MAN1A1: variants seen among roughly 807,000 people sequenced by gnomAD.
The protein encoded by MAN1A1 is mannosidase alpha class 1A member 1, also known as mannosyl-oligosaccharide 1,2-alpha-mannosidase IA.
In MAN1A1, 29 loss-of-function variants were observed where a neutral mutation model predicts 70.8. The observed-to-expected ratio is 0.41, with a 90% confidence interval of 0.31 to 0.56. The LOEUF is 0.56. Ranked by LOEUF, MAN1A1 falls within the 20% of genes least tolerant of loss-of-function variation. MAN1A1 has a pLI of 0.29. For missense variants in MAN1A1, 747 were observed against 841.3 expected (o/e 0.89, Z 1.39); for synonymous variants, 349 against 330.1 (o/e 1.06, Z -0.62).
chr6:119,283,272 A>G (rs1377884731), intron 5 of MAN1A1, among the ~76,000 whole-genome samples: 1 of 152,222 alleles, frequency 6.6e-6, no homozygotes, highest in Non-Finnish European at 1.5e-5. Flanking sequence ...TTTTACTTTA[A>G]AAGTCACTGG....
intron 6 of MAN1A1, among the ~76,000 whole-genome samples, chr6:119,243,050 A>G (rs559576862): frequency 6.6e-6 from 1 of 152,186 alleles, no homozygotes; most frequent in Admixed American, 6.5e-5. Context: ...TTTTTAAAAA[A>G]CTTTTCTACA....
At chr6:119,277,954 AAAAAG>A (rs1186379571) in intron 5 of MAN1A1, among the ~76,000 whole-genome samples, 11 of 133,328 alleles carry the variant, frequency 8.3e-5, no homozygotes, top group Non-Finnish European at 1.8e-4. Flanking sequence ...AAAAAAAAAA[AAAAAG>A]TAAAAATAAA....
chr6:119,256,980 T>C (rs1275356174), intron 5 of MAN1A1, among the ~76,000 whole-genome samples: 1 of 152,030 alleles, frequency 6.6e-6, no homozygotes, highest in Non-Finnish European at 1.5e-5. Flanking sequence ...CACAAAACAA[T>C]ACAAACCATA....
chr6:119,249,943 T>C (rs990053841), intron 5 of MAN1A1, among the ~76,000 whole-genome samples: 1 of 152,198 alleles, frequency 6.6e-6, no homozygotes, highest in African/African-American at 2.4e-5. Flanking sequence ...TGACATTCCT[T>C]GTATACAAAT....
chr6:119,268,347 C>T (rs768647531), intron 5 of MAN1A1, among the ~76,000 whole-genome samples: 22 of 152,124 alleles, frequency 1.4e-4, no homozygotes, highest in Admixed American at 2.6e-4. Context: ...GCAAGGGCTA[C>T]CCTGTAACGC....
chr6:119,280,255 C>A (rs1399511821), intron 5 of MAN1A1, among the ~76,000 whole-genome samples: 1 of 152,194 alleles, frequency 6.6e-6, no homozygotes, highest in Non-Finnish European at 1.5e-5. Flanking sequence ...TGTCTAGCTG[C>A]TACTCAGTAG....
At chr6:119,345,214 AG>A (rs1429733389) in intron 2 of MAN1A1, among the ~76,000 whole-genome samples, 1 of 151,824 alleles carries the variant, frequency 6.6e-6, no homozygotes, top group Non-Finnish European at 1.5e-5. Context: ...GCGGGGGAGA[AG>A]GGAAGCTAAA....
intron 2 of MAN1A1, among the ~76,000 whole-genome samples, chr6:119,311,845 C>G (rs1229969202): frequency 6.6e-6 from 1 of 152,100 alleles, no homozygotes. Context: ...TTATCAATGG[C>G]CAACAGATGC....
rs780758918 is a variant in MAN1A1 at position 119,248,273 on chromosome 6, G to T, written c.979C>A (p.Leu327Met). ...GAAGAGTTTTACCTTTTCATATTCA[G>T]CAATGCCCAAGGTATTCCAGAGGGA... is the stretch of plus-strand genomic sequence containing the variant. ...HTPSGIPWAL[L>M]NMKSGIGRNW... is the part of the protein sequence containing the mutation. The change falls in exon 6 of 13, where the codon CTG becomes ATG. Residue 327 changes from leucine to methionine, a missense_variant. Around this residue, in one of 2 missense-constraint regions of MAN1A1, gnomAD observed 419 missense variants for 548.2 expected, o/e 0.76. Transcript: ENST00000368468. 11 of 1,607,764 alleles carry T rather than the reference G, an allele frequency of 6.8e-6. No homozygotes were observed. Among genetic ancestry groups the T allele is most frequent in the Non-Finnish European group, 9.4e-6 (11 of 1,174,670 alleles).
In MAN1A1 at chr6:119,296,051, T is replaced by C. The variant is rs142603604; in HGVS notation, c.817-5288A>G. 9.8e-3 allele frequency among the ~76,000 whole-genome samples: 1,499 copies of C among 152,330 alleles called. 9 individuals are homozygous for C. Among genetic ancestry groups the C allele is most frequent in the Non-Finnish European group, 0.017 (1,178 of 68,018 alleles). Reference sequence around the variant, plus strand: ...AGCATACACCTTTATTTATAAATGATACTTCAAAGTGTGTGCTGGATTAAC... The same window carrying C: ...AGCATACACCTTTATTTATAAATGACACTTCAAAGTGTGTGCTGGATTAAC... On this transcript the variant is annotated intron_variant, in intron 4 of 12. Coordinates refer to ENST00000368468, the MANE Select transcript of MAN1A1 (RefSeq NM_005907.4).
intron 6 of MAN1A1, among the ~76,000 whole-genome samples, chr6:119,239,167 C>T (rs142128207): frequency 6.2e-4 from 95 of 152,118 alleles, no homozygotes; most frequent in African/African-American, 2.1e-3. Context: ...CGTGAGCCAC[C>T]GCACCCGGCC....
At chr6:119,343,048 A>G (rs1443810414) in intron 2 of MAN1A1, among the ~76,000 whole-genome samples, 1 of 152,196 alleles carries the variant, frequency 6.6e-6, no homozygotes, top group African/African-American at 2.4e-5. Context: ...TGTCTTTACA[A>G]AGAAGAAGAT....
rs1773814087 is a variant in MAN1A1, at chr6:119,204,841, C to G, written c.1034G>C (p.Ser345Thr). The change falls in exon 7 of 13, where the codon AGT (serine) becomes ACT (threonine). Residue 345 changes from serine to threonine, a missense_variant. Physicochemically the swap from Ser to Thr is moderately conservative, Grantham distance 58 (BLOSUM62 1). Transcript: ENST00000368468. ...RNWPWASGGS[S>T]ILAEFGTLHL... ...CAGGGTTCCAAATTCTGCCAGAATA[C>G]TGCTGCCTCCAGAGGCCCAGGGCCA... is the stretch of plus-strand genomic sequence containing the variant. 6.2e-7 allele frequency: 1 copy of G among 1,613,850 alleles called. No homozygotes were observed.
rs115131134 is a variant in MAN1A1, at chr6:119,193,024, A to G, written c.1326+753T>C. On this transcript the variant is annotated intron_variant, in intron 9 of 12. Transcript: ENST00000368468. ...ATTTAAGTGTAGAATGGAAATTCTT[A>G]CAAATAAATCCACAGTGGATGAGTT... is the stretch of plus-strand genomic sequence containing the variant. 2.8e-3 allele frequency among the ~76,000 whole-genome samples: 424 copies of G among 152,304 alleles called. 4 individuals carry two copies. Among genetic ancestry groups the G allele is most frequent in the African/African-American group, 9.4e-3 (391 of 41,568 alleles).
intron 4 of MAN1A1, among the ~76,000 whole-genome samples, chr6:119,297,599 C>T (rs946971436): frequency 2.6e-5 from 4 of 152,000 alleles, no homozygotes; most frequent in Non-Finnish European, 5.9e-5. Context: ...AATTAACCAC[C>T]TATTCATCTA....
chr6:119,309,658 T>C (rs189988863), intron 2 of MAN1A1, among the ~76,000 whole-genome samples: 3 of 152,236 alleles, frequency 2.0e-5, no homozygotes, highest in African/African-American at 7.2e-5. Context: ...CAAAAAAAGA[T>C]AAACTGAAAG....
intron 11 of MAN1A1, among the ~76,000 whole-genome samples, chr6:119,180,832 A>G (rs1373378020): frequency 6.6e-6 from 1 of 152,200 alleles, no homozygotes; most frequent in East Asian, 1.9e-4. Context: ...TTTTTTACAA[A>G]TTGGATTCAA....
chr6:119,263,182 T>C (rs1357200632), intron 5 of MAN1A1, among the ~76,000 whole-genome samples: 1 of 152,058 alleles, frequency 6.6e-6, no homozygotes, highest in Admixed American at 6.6e-5. Flanking sequence ...GTTTTATATG[T>C]AAAAGGGGAG....
chr6:119,348,479 CT>C lies in MAN1A1; in HGVS notation c.586del (p.Arg196GlyfsTer7). ...CCCACTCACCTCTTTGATCTTTGCC[CT>C]TTTCTCGCGGATGGCGGCGTCGGCG... is the stretch of plus-strand genomic sequence containing the variant. ...EPADAAIREK[R>X]AKIKEMMKHA... On this transcript the variant is annotated frameshift_variant, in exon 2 of 13. Transcript: ENST00000368468. LOFTEE classifies it high-confidence loss of function. 6.2e-7 allele frequency: 1 copy of C among 1,606,026 alleles called. No individual in the cohort carries two copies. The highest frequency in any genetic ancestry group is 8.5e-7 in the Non-Finnish European group (1 of 1,176,026).
Sources: gnomAD v4.1 joint callset for allele counts (sites outside exome capture counted in the v4.1 genomes callset) on GRCh38, gnomAD v4.1.1 for gene constraint, gnomAD v4.1.1 regional missense constraint, MANE v1.5 for transcripts, NCBI Gene and HGNC (gene_info 2026-07-23, HGNC 2026-07-21) for gene names.